TBATA: variants seen among roughly 807,000 people sequenced by gnomAD.
TBATA encodes protein TBATA.
TBATA carries 47 observed loss-of-function variants against 38.7 expected under a neutral mutation model. The ratio of observed to expected loss-of-function variants is 1.21; its 90% CI spans 0.96 to 1.55. TBATA has a LOEUF of 1.55. Among genes scored for constraint, TBATA ranks in the 40% most tolerant of loss-of-function variants. The pLI, the probability that TBATA is intolerant of heterozygous loss-of-function variation, is 0.00. For synonymous variants in TBATA, 183 were observed against 170.5 expected (o/e 1.07, Z -0.57); for missense variants, 436 against 435.6 (o/e 1.00, Z -0.01).
chr10:70,779,455 GA>G, intron 5 of TBATA, 137 bp downstream of exon 5: 2 of 1,054,106 alleles, frequency 1.9e-6, no homozygotes, highest in Non-Finnish European at 2.6e-6. Flanking sequence ...GGAAATGGGA[GA>G]AAAAGTGGGG....
intron 5 of TBATA, among the ~76,000 whole-genome samples, chr10:70,779,122 C>T (rs1264325304): frequency 1.3e-5 from 2 of 152,222 alleles, no homozygotes; most frequent in Non-Finnish European, 1.5e-5. Context: ...GCCCCTTCTC[C>T]AGGATCTCTT....
At chr10:70,774,591 C>A (rs1843148865) in intron 8 of TBATA, among the ~76,000 whole-genome samples, 1 of 152,136 alleles carries the variant, frequency 6.6e-6, no homozygotes, top group Non-Finnish European at 1.5e-5. Flanking sequence ...GTTCTTGGCC[C>A]CAGCTGGCCC....
At chr10:70,775,308 CA>C (rs1332413680) in intron 7 of TBATA, 38 bp from the exon 8 acceptor site, 7 of 1,581,308 alleles carry the variant, frequency 4.4e-6, no homozygotes, top group South Asian at 1.1e-5. Flanking sequence ...GCCAGGAGTA[CA>C]GGCAAGGAGT....
intron 2 of TBATA, among the ~76,000 whole-genome samples, chr10:70,783,748 A>G (rs1488373824): frequency 1.3e-5 from 2 of 152,238 alleles, no homozygotes; most frequent in African/African-American, 4.8e-5. Context: ...CATTCAGACA[A>G]TGGGATACTT....
At chr10:70,777,447 T>A in intron 6 of TBATA, 109 bp from the exon 7 acceptor site, 1 of 986,044 alleles carries the variant, frequency 1.0e-6, no homozygotes, top group Non-Finnish European at 1.5e-6. Flanking sequence ...GCACTTCGCC[T>A]CCCAAATCCC....
intron 8 of TBATA, 22 bp downstream of exon 8, chr10:70,775,167 T>G: frequency 6.2e-7 from 1 of 1,602,494 alleles, no homozygotes; most frequent in Non-Finnish European, 8.5e-7. Context: ...ACTGAGACAG[T>G]GCTGCGGGGC....
At chr10:70,774,779 C>T (rs866972837) in intron 8 of TBATA, among the ~76,000 whole-genome samples, 10 of 152,144 alleles carry the variant, frequency 6.6e-5, no homozygotes, top group Admixed American at 3.9e-4. Flanking sequence ...AGTGCGTCCG[C>T]GTGTGTATTC....
chr10:70,782,711 C>G (rs376137420), intron 3 of TBATA: 1 of 909,380 alleles, frequency 1.1e-6, no homozygotes, highest in South Asian at 5.1e-5. Flanking sequence ...CTACCCCACA[C>G]CCCTCCCCTT....
At chr10:70,778,819 T>G in intron 5 of TBATA, 183 bp from the exon 6 acceptor site, 3 of 681,332 alleles carry the variant, frequency 4.4e-6, no homozygotes, top group Non-Finnish European at 8.0e-6. Flanking sequence ...GGGTGGTGGT[T>G]GTGGCAGTGG....
chr10:70,778,509 G>C, intron 6 of TBATA, 48 bp downstream of exon 6: 2 of 1,568,416 alleles, frequency 1.3e-6, no homozygotes, highest in Non-Finnish European at 8.8e-7. Flanking sequence ...ACACAGGGAA[G>C]GATCCGTTTC....
chr10:70,773,053 C>T (rs943255176), intron 9 of TBATA, among the ~76,000 whole-genome samples: 5 of 152,184 alleles, frequency 3.3e-5, no homozygotes, highest in African/African-American at 7.2e-5. Context: ...TCCCTCCCTA[C>T]GACTCTGGGA....
intron 5 of TBATA, 151 bp from the exon 6 acceptor site, chr10:70,778,787 G>A (rs753793169): frequency 1.4e-6 from 1 of 700,422 alleles, no homozygotes; most frequent in African/African-American, 1.7e-5. Context: ...CCTGGAGGGA[G>A]AAGGATCTGG....
At chr10:70,772,833 C>CCTTG (rs1842925670) in intron 9 of TBATA, among the ~76,000 whole-genome samples, 1 of 152,228 alleles carries the variant, frequency 6.6e-6, no homozygotes, top group Non-Finnish European at 1.5e-5. Flanking sequence ...GCAAGGCCCT[C>CCTTG]CTGTCTCTGG....
chr10:70,783,265 A>C, intron 3 of TBATA, 74 bp downstream of exon 3: 1 of 1,560,446 alleles, frequency 6.4e-7, no homozygotes. Context: ...AGATCCCCCA[A>C]GGCCACCTTT....
At chr10:70,775,340 A>G in intron 7 of TBATA, 70 bp from the exon 8 acceptor site, 1 of 1,376,036 alleles carries the variant, frequency 7.3e-7, no homozygotes, top group Non-Finnish European at 1.0e-6. Flanking sequence ...GTAGGTTTGG[A>G]GGGCACCAAG....
At position 70,779,644 on chromosome 10, in the gene TBATA, A is replaced by G. The variant is rs749668333; in HGVS notation, c.376T>C (p.Ser126Pro). 5 of 1,533,264 alleles carry G rather than the reference A, an allele frequency of 3.3e-6. No individual in the cohort carries two copies. The highest frequency in any genetic ancestry group is 4.3e-6 in the Non-Finnish European group (5 of 1,149,492). 95.0% of individuals were successfully genotyped at this position (1,533,264 alleles called of 1,614,324 possible). A position where few individuals can be genotyped will look rare whatever the true frequency, so the allele number is the denominator to read the frequency against. ...SGCQMGIPTI[S>P]VPIGDPQSNR... ...GACTGTGGGTCTCCAATGGGGACAG[A>G]GATGGTGGGTATCCCCATTTGACAG... Residue 126 changes from serine (S) to proline (P), a missense_variant, in exon 5 of 11, where the codon TCT becomes CCT. Physicochemically the swap from Ser to Pro is moderately conservative, Grantham distance 74. Transcript: ENST00000456372.
intron 8 of TBATA, among the ~76,000 whole-genome samples, 160 bp downstream of exon 8, chr10:70,775,029 G>A (rs925591782): frequency 3.3e-5 from 5 of 152,202 alleles, no homozygotes; most frequent in Non-Finnish European, 7.3e-5. Context: ...CTGTCCAGCT[G>A]GGAAGGGTTA....
At position 70,772,541 on chromosome 10, in the gene TBATA, A is replaced by G. The variant is rs1283741390; in HGVS notation, c.946T>C (p.Ser316Pro). ...GGTTTTTCGCTTTTTGTAAAAGGTG[A>G]TATCTTCGTTTTCTTCGGGGATTGA... is the stretch of plus-strand genomic sequence containing the variant. ...CSQSPKKTKI[S>P]PFTKSEKPEY... is the part of the protein sequence containing the mutation. Residue 316 changes from serine (S) to proline (P), a missense_variant, in exon 10 of 11, where the codon TCA becomes CCA. Coordinates refer to ENST00000456372, the MANE Select transcript of TBATA (RefSeq NM_001318241.2). 2 of 1,614,186 alleles carry G rather than the reference A, an allele frequency of 1.2e-6. No individual in the cohort carries two copies. Among genetic ancestry groups the G allele is most frequent in the South Asian group, 1.1e-5 (1 of 91,074 alleles).
At chr10:70,782,220 G>A (rs1293132446) in intron 3 of TBATA, 184 bp from the exon 4 acceptor site, 7 of 1,348,782 alleles carry the variant, frequency 5.2e-6, no homozygotes, top group South Asian at 1.3e-5. Context: ...TTTCCCAACT[G>A]GTGCAATCCT....
Sources: allele counts gnomAD v4.1 joint callset (sites outside exome capture counted in the v4.1 genomes callset), GRCh38; gene constraint gnomAD v4.1.1; transcripts MANE v1.5; gene names NCBI Gene and HGNC (gene_info 2026-07-23, HGNC 2026-07-21).